The following RBMS3 variants were observed in gnomAD, a reference collection of about 807,000 sequenced individuals.
RBMS3 encodes the protein RNA-binding motif, single-stranded-interacting protein 3.
RBMS3 carries 27 observed loss-of-function variants against 66.8 expected under a neutral mutation model. The observed-to-expected ratio is 0.40, with a 90% CI of 0.30 to 0.56. The LOEUF is 0.56. RBMS3 is among the 20% of genes least tolerant of loss of function. RBMS3 has a pLI of 0.40. For synonymous variants in RBMS3, 188 were observed against 183.0 expected (o/e 1.03, Z -0.22); for missense variants, 513 against 549.5 (o/e 0.93, Z 0.66).
chr3:29,865,106 GAGGAAGGA>G (rs545730115), intron 6 of RBMS3, among the ~76,000 whole-genome samples: 1 of 127,088 alleles, frequency 7.9e-6, no homozygotes, highest in East Asian at 2.7e-4. Context: ...GGGAGGGAGG[GAGGAAGGA>G]AGGAAGGAAG....
chr3:29,478,463 C>T (rs2043023479), intron 2 of RBMS3, among the ~76,000 whole-genome samples: 1 of 152,062 alleles, frequency 6.6e-6, no homozygotes, highest in Non-Finnish European at 1.5e-5. Context: ...CTTGAGAGCT[C>T]CACCCTCATG....
chr3:29,383,097 G>C (rs1215646111), intron 1 of RBMS3, among the ~76,000 whole-genome samples: 1 of 152,132 alleles, frequency 6.6e-6, no homozygotes, highest in African/African-American at 2.4e-5. Flanking sequence ...GCAGCCTCTA[G>C]GGCAACAAGG....
intron 4 of RBMS3, among the ~76,000 whole-genome samples, chr3:29,624,021 A>G (rs1463121448): frequency 6.6e-6 from 1 of 152,224 alleles, no homozygotes; most frequent in African/African-American, 2.4e-5. Flanking sequence ...GCCTATAATA[A>G]TGTTTTAATT....
At chr3:29,483,267 T>TCTC (rs2043205307) in intron 2 of RBMS3, among the ~76,000 whole-genome samples, 1 of 136,192 alleles carries the variant, frequency 7.3e-6, no homozygotes, top group African/African-American at 2.8e-5. Flanking sequence ...CGAGATCGCG[T>TCTC]CACTGCACTC....
At chr3:29,647,343 A>C (rs978205681) in intron 4 of RBMS3, among the ~76,000 whole-genome samples, 1 of 152,132 alleles carries the variant, frequency 6.6e-6, no homozygotes, top group Non-Finnish European at 1.5e-5. Flanking sequence ...CTTGCCAGGA[A>C]GTGTCTTAAC....
At chr3:29,570,981 C>T (rs1356495000) in intron 3 of RBMS3, among the ~76,000 whole-genome samples, 3 of 152,104 alleles carry the variant, frequency 2.0e-5, no homozygotes, top group Admixed American at 2.0e-4. Context: ...TACAACCTCT[C>T]CAACATTTGT....
At chr3:29,383,801 G>A (rs865871536) in intron 1 of RBMS3, among the ~76,000 whole-genome samples, 63 of 152,246 alleles carry the variant, frequency 4.1e-4, no homozygotes, top group Middle Eastern at 3.4e-3. Flanking sequence ...ATCCTGGATC[G>A]TAAGTTTTCA....
At chr3:29,512,293 A>G (rs750236579) in intron 3 of RBMS3, among the ~76,000 whole-genome samples, 1 of 152,116 alleles carries the variant, frequency 6.6e-6, no homozygotes, top group Non-Finnish European at 1.5e-5. Flanking sequence ...GGATTTAGGC[A>G]TTTGAAAAAG....
At chr3:29,847,712 G>T (rs34953370) in intron 6 of RBMS3, among the ~76,000 whole-genome samples, 62,113 of 151,066 alleles carry the variant, frequency 0.41, 14,034 homozygotes, top group Non-Finnish European at 0.52. Flanking sequence ...CTGGAGTGCA[G>T]TGGCGCGATC....
chr3:29,797,099 TCTC>T (rs1163291591), intron 6 of RBMS3, among the ~76,000 whole-genome samples: 2 of 152,142 alleles, frequency 1.3e-5, no homozygotes, highest in African/African-American at 4.8e-5. Context: ...GGCATTGTCT[TCTC>T]CTCTGTCTGG....
At chr3:29,831,079 A>T (rs933390803) in intron 6 of RBMS3, among the ~76,000 whole-genome samples, 17 of 152,180 alleles carry the variant, frequency 1.1e-4, no homozygotes, top group Non-Finnish European at 2.4e-4. Flanking sequence ...TATCATATTT[A>T]AAATAACAGA....
intron 1 of RBMS3, among the ~76,000 whole-genome samples, chr3:29,349,232 T>C (rs1404150201): frequency 6.6e-6 from 1 of 152,176 alleles, no homozygotes; most frequent in Non-Finnish European, 1.5e-5. Context: ...TCTGCAGGAA[T>C]CTCATTAGCC....
chr3:29,722,159 C>T (rs11718935), intron 4 of RBMS3, among the ~76,000 whole-genome samples: 22,157 of 152,014 alleles, frequency 0.15, 1,782 homozygotes, highest in Middle Eastern at 0.25. Context: ...TGGATTTTGG[C>T]TATCAAAATT....
intron 6 of RBMS3, among the ~76,000 whole-genome samples, chr3:29,784,830 T>A (rs35655294): frequency 0.12 from 18,025 of 151,828 alleles, 1,233 homozygotes; most frequent in African/African-American, 0.17. Context: ...AATAACCTCA[T>A]TAAGAAACAA....
At chr3:29,599,667 T>C (rs547394408) in intron 4 of RBMS3, among the ~76,000 whole-genome samples, 1 of 152,080 alleles carries the variant, frequency 6.6e-6, no homozygotes, top group South Asian at 2.1e-4. Flanking sequence ...AAAATAAAAA[T>C]GTACAAACAT....
intron 2 of RBMS3, among the ~76,000 whole-genome samples, chr3:29,439,676 CA>C (rs1389573769): frequency 6.6e-6 from 1 of 151,736 alleles, no homozygotes; most frequent in Non-Finnish European, 1.5e-5. Context: ...GTTACACATG[CA>C]TACATGTGCC....
intron 4 of RBMS3, among the ~76,000 whole-genome samples, chr3:29,665,190 T>C (rs935315000): frequency 6.6e-5 from 10 of 152,200 alleles, no homozygotes; most frequent in African/African-American, 2.2e-4. Context: ...TTTTTCTATG[T>C]GTGGTGGACT....
intron 1 of RBMS3, among the ~76,000 whole-genome samples, chr3:29,388,119 G>A (rs1465154064): frequency 6.6e-6 from 1 of 150,994 alleles, no homozygotes; most frequent in Non-Finnish European, 1.5e-5. Context: ...ACATGTGTGT[G>A]TATGTATATA....
chr3:29,525,318 A>AT (rs1166041298), intron 3 of RBMS3, among the ~76,000 whole-genome samples: 4 of 152,100 alleles, frequency 2.6e-5, no homozygotes, highest in Non-Finnish European at 5.9e-5. Flanking sequence ...CTGTGAGCAC[A>AT]TTTTTTTATT....
Sources: gnomAD v4.1 joint callset for allele counts (sites outside exome capture counted in the v4.1 genomes callset) on GRCh38, gnomAD v4.1.1 for gene constraint, MANE v1.5 for transcripts, NCBI Gene and HGNC (gene_info 2026-07-23, HGNC 2026-07-21) for gene names.